ZNF529: variants seen among roughly 807,000 people sequenced by gnomAD.
ZNF529 encodes zinc finger protein 529.
Under a neutral mutation model 10.1 loss-of-function variants are expected in ZNF529, and 11 were observed. That is an observed-to-expected ratio of 1.09 (90% CI 0.69 to 1.81). The LOEUF (loss-of-function observed/expected upper bound fraction) is 1.81, where lower values mean the gene tolerates loss of function less well. ZNF529 is among the 40% of genes most tolerant of loss of function. ZNF529 has a pLI of 0.00. For missense variants in ZNF529, 624 were observed against 666.8 expected (o/e 0.94, Z 0.71); for synonymous variants, 204 against 215.7 (o/e 0.95, Z 0.47).
intron 1 of ZNF529, among the ~76,000 whole-genome samples, chr19:36,591,843 A>G (rs1402997332): frequency 6.6e-6 from 1 of 152,130 alleles, no homozygotes; most frequent in Non-Finnish European, 1.5e-5. Context: ...TCTTACACAC[A>G]CTTTTCCAGA....
At chr19:36,550,926 C>G (rs1343814512) in intron 4 of ZNF529, among the ~76,000 whole-genome samples, 4 of 152,076 alleles carry the variant, frequency 2.6e-5, no homozygotes, top group African/African-American at 9.7e-5. Flanking sequence ...AAAACAAATT[C>G]CTGGAATGAG....
At chr19:36,559,320 CT>C (rs770591842) in intron 2 of ZNF529, among the ~76,000 whole-genome samples, 3 of 152,198 alleles carry the variant, frequency 2.0e-5, no homozygotes, top group Non-Finnish European at 4.4e-5. Context: ...TCTTTTCCCC[CT>C]GCACCAAGAT....
chr19:36,591,739 AAATTT>A (rs1161575792), intron 1 of ZNF529, among the ~76,000 whole-genome samples: 3 of 148,482 alleles, frequency 2.0e-5, no homozygotes, highest in Non-Finnish European at 4.5e-5. Context: ...AAAAAAAAGG[AAATTT>A]AATTTATTAC....
At chr19:36,579,965 T>C (rs544888578) in intron 2 of ZNF529, among the ~76,000 whole-genome samples, 1 of 152,322 alleles carries the variant, frequency 6.6e-6, no homozygotes, top group African/African-American at 2.4e-5. Flanking sequence ...AAACACATTA[T>C]ATAGCAACAC....
chr19:36,580,337 G>C (rs1291043432), intron 2 of ZNF529: 3 of 139,244 alleles, frequency 2.2e-5, no homozygotes, highest in African/African-American at 8.6e-5. Context: ...ACATAAACTA[G>C]TAATGTAATC....
chr19:36,578,736 G>C (rs984723963), intron 2 of ZNF529, among the ~76,000 whole-genome samples: 8 of 151,790 alleles, frequency 5.3e-5, no homozygotes, highest in African/African-American at 1.9e-4. Context: ...AGCCTCCCTG[G>C]TAGCTGGGAT....
chr19:36,571,611 G>A (rs1310188949), intron 2 of ZNF529, among the ~76,000 whole-genome samples: 1 of 150,906 alleles, frequency 6.6e-6, no homozygotes, highest in Non-Finnish European at 1.5e-5. Context: ...GGAGGCAGAG[G>A]TTGCAGTGAA....
chr19:36,551,176 T>G (rs983553892), intron 4 of ZNF529, among the ~76,000 whole-genome samples: 18 of 152,188 alleles, frequency 1.2e-4, no homozygotes, highest in African/African-American at 4.1e-4. Flanking sequence ...GTGCCACCAT[T>G]TTGACAATAC....
chr19:36,550,371 C>T (rs1215939380), intron 4 of ZNF529, among the ~76,000 whole-genome samples: 1 of 152,032 alleles, frequency 6.6e-6, no homozygotes, highest in Non-Finnish European at 1.5e-5. Context: ...GGCGAAACCC[C>T]GTCTGTACTA....
chr19:36,590,950 T>C (rs1414581119), intron 1 of ZNF529, among the ~76,000 whole-genome samples: 1 of 146,646 alleles, frequency 6.8e-6, no homozygotes, highest in Non-Finnish European at 1.5e-5. Flanking sequence ...AAAAAAGAGT[T>C]GATAAAAACC....
At chr19:36,588,677 T>C (rs996710579) in intron 2 of ZNF529, among the ~76,000 whole-genome samples, 3 of 152,110 alleles carry the variant, frequency 2.0e-5, no homozygotes, top group Non-Finnish European at 4.4e-5. Flanking sequence ...AATGGAAAAG[T>C]AGAATGAGAT....
intron 2 of ZNF529, among the ~76,000 whole-genome samples, chr19:36,569,916 A>C: frequency 6.6e-6 from 1 of 152,192 alleles, no homozygotes; most frequent in East Asian, 1.9e-4. Context: ...GAGTCTATGT[A>C]TATCTGAGGT....
At chr19:36,595,512 A>T (rs1188543961) in intron 1 of ZNF529, among the ~76,000 whole-genome samples, 1 of 152,146 alleles carries the variant, frequency 6.6e-6, no homozygotes, top group Non-Finnish European at 1.5e-5. Flanking sequence ...CCTAGACAAC[A>T]TAGCAAGATC....
chr19:36,576,967 T>C (rs1234539318), upstream of ZNF529, among the ~76,000 whole-genome samples: 2 of 150,876 alleles, frequency 1.3e-5, no homozygotes, highest in Non-Finnish European at 3.0e-5. Context: ...TCTTTTTTTT[T>C]TTTTTTTGAG....
rs2035591536 is a variant in ZNF529, at chr19:36,559,282, T to C, written c.15-3085A>G. On this transcript the variant is annotated intron_variant, in intron 2 of 4. Transcript: ENST00000591340. ...AATCCAGCAATTCTGCTTCTGGCTATACAGCCAAAAGAAATGAAGTCAATA... is the reference window on the plus strand; with the variant it reads ...AATCCAGCAATTCTGCTTCTGGCTACACAGCCAAAAGAAATGAAGTCAATA... 2.0e-5 allele frequency among the ~76,000 whole-genome samples: 3 copies of C among 152,230 alleles called. No individual in the cohort carries two copies. The South Asian group carries it at 6.2e-4, about 31-fold the overall frequency.
At chr19:36,556,369 A>G (rs1166063648) in intron 2 of ZNF529, among the ~76,000 whole-genome samples, 172 bp from the exon 3 acceptor site, 2 of 152,194 alleles carry the variant, frequency 1.3e-5, no homozygotes, top group African/African-American at 4.8e-5. Flanking sequence ...TGTCCATTCT[A>G]TCTTGGTGAG....
At chr19:36,589,427 C>T (rs2036656676) in intron 2 of ZNF529, among the ~76,000 whole-genome samples, 1 of 152,242 alleles carries the variant, frequency 6.6e-6, no homozygotes, top group Non-Finnish European at 1.5e-5. Context: ...GGGGGAAATC[C>T]CCACATATCT....
intron 2 of ZNF529, chr19:36,589,550 T>C (rs1160222101): frequency 2.0e-5 from 3 of 152,238 alleles, no homozygotes; most frequent in South Asian, 2.1e-4. Context: ...GACCAGTCTT[T>C]ACAGAAACAC....
intron 4 of ZNF529, 70 bp downstream of exon 4, chr19:36,554,600 T>C (rs2035390975): frequency 1.5e-6 from 2 of 1,310,658 alleles, no homozygotes; most frequent in East Asian, 5.8e-5. Context: ...AAACATAGCC[T>C]TGAGTTCACT....
Sources: allele counts gnomAD v4.1 joint callset (sites outside exome capture counted in the v4.1 genomes callset), GRCh38; gene constraint gnomAD v4.1.1; transcripts MANE v1.5; gene names NCBI Gene and HGNC (gene_info 2026-07-23, HGNC 2026-07-21).